The following TMEM245 variants were observed in gnomAD, a reference collection of about 807,000 sequenced individuals.
TMEM245 encodes the protein protein CG-2.
In TMEM245, 69 loss-of-function variants were observed where a neutral mutation model predicts 101.2. The observed-to-expected ratio is 0.68, with a 90% confidence interval of 0.56 to 0.83. TMEM245 has a LOEUF of 0.83. Ranked by LOEUF, TMEM245 falls within the 40% of genes least tolerant of loss-of-function variation. The pLI, the probability that TMEM245 is intolerant of heterozygous loss-of-function variation, is 0.00. For missense variants in TMEM245, 1,075 were observed against 1,092.8 expected (o/e 0.98, Z 0.23); for synonymous variants, 537 against 449.8 (o/e 1.19, Z -2.45).
At position 109,041,453 on chromosome 9, in the gene TMEM245, A is replaced by ATTTTTTTT. The variant is rs1193341550; in HGVS notation, c.2124-3344_2124-3337dup. Among the ~76,000 whole-genome samples, 31 of 83,258 alleles carry ATTTTTTTT rather than the reference A, an allele frequency of 3.7e-4. 1 individual carries two copies. The highest frequency in any genetic ancestry group is 1.4e-3 in the African/African-American group (28 of 19,990). 54.6% of individuals were successfully genotyped at this position (83,258 alleles called of 152,430 possible). On this transcript the variant is annotated intron_variant, in intron 14 of 17. Transcript: ENST00000374586. ...GTAGGATGTGGTTGCCATCCTACAA[A>ATTTTTTTT]TTTTTTTTTTTTTTTTTTTTTTTTT...
chr9:109,108,423 A>T (rs1254538292), intron 2 of TMEM245, 30 bp downstream of exon 2: 1 of 943,662 alleles, frequency 1.1e-6, no homozygotes, highest in Non-Finnish European at 1.4e-6. Context: ...CTAGACTTAA[A>T]AAAAAAAAAA....
intron 10 of TMEM245, among the ~76,000 whole-genome samples, chr9:109,062,228 C>A (rs1228861807): frequency 6.6e-6 from 1 of 151,974 alleles, no homozygotes; most frequent in Admixed American, 6.6e-5. Context: ...CTGGTCTGGG[C>A]TCAAGTGATC....
chr9:109,068,933 G>T (rs1829251841), intron 9 of TMEM245, among the ~76,000 whole-genome samples: 1 of 152,208 alleles, frequency 6.6e-6, no homozygotes, highest in African/African-American at 2.4e-5. Context: ...CAATGTAACA[G>T]TTATGTACTG....
intron 7 of TMEM245, among the ~76,000 whole-genome samples, chr9:109,083,265 GGAGA>G (rs1829722565): frequency 6.6e-6 from 1 of 152,096 alleles, no homozygotes; most frequent in African/African-American, 2.4e-5. Context: ...ACAGCAACTC[GGAGA>G]GATAGGAAGA....
At chr9:109,101,196 A>C (rs1830272904) in intron 3 of TMEM245, among the ~76,000 whole-genome samples, 1 of 152,226 alleles carries the variant, frequency 6.6e-6, no homozygotes, top group African/African-American at 2.4e-5. Context: ...TTGAATTCTG[A>C]TGAAATCCAG....
At chr9:109,024,168 A>G (rs10115972) in intron 17 of TMEM245, among the ~76,000 whole-genome samples, 141,607 of 152,266 alleles carry the variant, frequency 0.93, 65,956 homozygotes, top group East Asian at 1. Context: ...AGTTGTAACT[A>G]ACTAATTTAA....
chr9:109,063,517 T>C (rs947766495), intron 10 of TMEM245, among the ~76,000 whole-genome samples: 1 of 152,220 alleles, frequency 6.6e-6, no homozygotes, highest in African/African-American at 2.4e-5. Context: ...CTAATATATT[T>C]TTCTAGGCAC....
Position 109,074,307 on chromosome 9 carries a change from G to C in TMEM245, c.1450-869C>G, listed in dbSNP as rs1829428246. ...TTTTCACCCAGGACATCCAAACAAG[G>C]AAAGAAACATAATCTGATACAATTT... On this transcript the variant is annotated intron_variant, in intron 8 of 17. Coordinates refer to ENST00000374586, the MANE Select transcript of TMEM245 (RefSeq NM_032012.4). Among the ~76,000 whole-genome samples, 3 of 152,214 alleles carry C rather than the reference G, an allele frequency of 2.0e-5. No individual in the cohort carries two copies. The South Asian group carries it at 6.2e-4, about 32-fold the overall frequency.
At chr9:109,098,258 G>A (rs908702403) in intron 3 of TMEM245, among the ~76,000 whole-genome samples, 2 of 152,118 alleles carry the variant, frequency 1.3e-5, no homozygotes, top group African/African-American at 2.4e-5. Flanking sequence ...TCTCCAACTT[G>A]CTAATGGCAC....
At chr9:109,049,844 G>C (rs1828618552) in intron 14 of TMEM245, among the ~76,000 whole-genome samples, 1 of 152,032 alleles carries the variant, frequency 6.6e-6, no homozygotes, top group Non-Finnish European at 1.5e-5. Flanking sequence ...ACCAAGGCTG[G>C]AGCGCAGTGG....
At chr9:109,041,321 C>T (rs916034415) in intron 14 of TMEM245, among the ~76,000 whole-genome samples, 1 of 152,088 alleles carries the variant, frequency 6.6e-6, no homozygotes, top group South Asian at 2.1e-4. Flanking sequence ...TTTGCGACAA[C>T]GTAGATGATC....
intron 10 of TMEM245, among the ~76,000 whole-genome samples, chr9:109,061,018 C>T (rs17792962): frequency 0.053 from 8,129 of 152,162 alleles, 345 homozygotes; most frequent in South Asian, 0.14. Flanking sequence ...AAAATGTTGT[C>T]CCACTTAGTT....
rs534576164 is a variant in TMEM245, at chr9:109,017,044, G to T, written c.*3416C>A. ...CAGCCTGAATTTCTGAGTATTGCTT[G>T]ACCAGTAGTGACACATTCCTGAGGC... On this transcript the variant is annotated 3_prime_UTR_variant, in exon 18 of 18. Transcript: ENST00000374586. 1.3e-5 allele frequency: 2 copies of T among 151,992 alleles called. No individual in the cohort carries two copies. Among genetic ancestry groups the T allele is most frequent in the Admixed American group, 6.6e-5 (1 of 15,262 alleles). The allele number at this position is 151,992 out of a possible 1,614,324, so 9.4% of individuals were successfully genotyped here. A position where few individuals can be genotyped will look rare whatever the true frequency, so the allele number is the denominator to read the frequency against.
chr9:109,106,453 G>A, intron 3 of TMEM245, 55 bp downstream of exon 3: 1 of 1,149,422 alleles, frequency 8.7e-7, no homozygotes, highest in Non-Finnish European at 1.2e-6. Flanking sequence ...TTTTTAAAAA[G>A]CTACTCTCCA....
chr9:109,119,890 C>T lies in TMEM245; in HGVS notation c.24G>A (p.Lys8=), dbSNP rs147719369. ...GAGAGCTCCGCAGGCTTGGCGCGTC[C>T]TTAGGGCCGCCGCCGTCGGCCATCG... The part of the protein sequence containing the change: MADGGGP[K]DAPSLRSSPG... Residue 8 remains lysine (K), a synonymous_variant, in exon 1 of 18, where the codon AAG becomes AAA. Transcript: ENST00000374586. 3.4e-3 allele frequency: 4,286 copies of T among 1,274,282 alleles called. 53 individuals are homozygous for T. In the East Asian group the frequency reaches 0.045, roughly 14 times the overall value. The allele number at this position is 1,274,282 out of a possible 1,614,324, so 78.9% of individuals were successfully genotyped here.
chr9:109,074,026 A>G (rs1439525915), intron 8 of TMEM245, among the ~76,000 whole-genome samples: 1 of 151,786 alleles, frequency 6.6e-6, no homozygotes, highest in African/African-American at 2.4e-5. Flanking sequence ...ACGCCTGTCT[A>G]ATTTTGTATT....
At chr9:109,066,883 C>A (rs2132461914) in intron 9 of TMEM245, among the ~76,000 whole-genome samples, 1 of 151,878 alleles carries the variant, frequency 6.6e-6, no homozygotes, top group Non-Finnish European at 1.5e-5. Context: ...TGGTGAAACC[C>A]CGTCTCTACT....
intron 1 of TMEM245, among the ~76,000 whole-genome samples, chr9:109,108,816 T>A (rs1220656859): frequency 1.3e-5 from 2 of 152,126 alleles, no homozygotes; most frequent in East Asian, 3.9e-4. Context: ...GATACATAGT[T>A]CAAAACCCAT....
At chr9:109,103,854 G>A (rs1365395930) in intron 3 of TMEM245, among the ~76,000 whole-genome samples, 1 of 152,100 alleles carries the variant, frequency 6.6e-6, no homozygotes, top group Non-Finnish European at 1.5e-5. Context: ...GGGAGGCCAA[G>A]GCAGGCGGAC....
Sources: allele counts gnomAD v4.1 joint callset (sites outside exome capture counted in the v4.1 genomes callset), GRCh38; gene constraint gnomAD v4.1.1; transcripts MANE v1.5; gene names NCBI Gene and HGNC (gene_info 2026-07-23, HGNC 2026-07-21).